Variants in CAPZA2 observed in about 807,000 individuals in gnomAD.
CAPZA2 encodes the protein capping actin protein of muscle Z-line subunit alpha 2, also known as F-actin-capping protein subunit alpha-2.
In CAPZA2, 13 loss-of-function variants were observed where a neutral mutation model predicts 44.0. The observed-to-expected ratio is 0.30, with a 90% CI of 0.19 to 0.47. The LOEUF (loss-of-function observed/expected upper bound fraction) is 0.47, where lower values mean the gene tolerates loss of function less well. Among genes scored for constraint, CAPZA2 ranks in the 20% least tolerant of loss-of-function variants. CAPZA2 has a pLI of 1.00. For synonymous variants in CAPZA2, 94 were observed against 108.2 expected (o/e 0.87, Z 0.81); for missense variants, 244 against 338.6 (o/e 0.72, Z 2.19).
At position 116,918,096 on chromosome 7, in the gene CAPZA2, CCTTT is replaced by C. The variant is rs1388949764; in HGVS notation, c.*237_*240del. 15 of 381,798 alleles carry C rather than the reference CCTTT, an allele frequency of 3.9e-5. No homozygotes were observed. Among genetic ancestry groups the C allele is most frequent in the Admixed American group, 1.2e-4 (3 of 24,988 alleles). The allele number at this position is 381,798 out of a possible 1,614,324, so 23.7% of individuals were successfully genotyped here. Reference sequence around the variant, plus strand: ...TTAGTTTAAATGTCTTTCTGTTAGGCCTTTCTTTCTTACAATGAAGAGATGATTC... The same window carrying C: ...TTAGTTTAAATGTCTTTCTGTTAGGCCTTTCTTACAATGAAGAGATGATTC... On this transcript the variant is annotated 3_prime_UTR_variant, in exon 10 of 10. Coordinates refer to ENST00000361183, the MANE Select transcript of CAPZA2 (RefSeq NM_006136.3).
chr7:116,867,898 A>G (rs1480634534), intron 1 of CAPZA2, among the ~76,000 whole-genome samples: 1 of 152,138 alleles, frequency 6.6e-6, no homozygotes, highest in Admixed American at 6.6e-5. Context: ...GTCCATTTCT[A>G]GCACCTCAGA....
At chr7:116,914,580 G>GC (rs1397919058) in intron 8 of CAPZA2, among the ~76,000 whole-genome samples, 3 of 152,080 alleles carry the variant, frequency 2.0e-5, no homozygotes, top group Non-Finnish European at 4.4e-5. Flanking sequence ...TCCTGCCTCA[G>GC]CCTCTCTAGT....
At chr7:116,903,336 G>A (rs779784584) in intron 4 of CAPZA2, among the ~76,000 whole-genome samples, 2 of 151,180 alleles carry the variant, frequency 1.3e-5, no homozygotes, top group Non-Finnish European at 2.9e-5. Flanking sequence ...TCGGCCTTTT[G>A]GCTAAGATCA....
In CAPZA2 at chr7:116,880,039, G is replaced by A. The variant is rs183411228; in HGVS notation, c.40-8088G>A. On this transcript the variant is annotated intron_variant, in intron 1 of 9. Transcript: ENST00000361183. ...TGGGAGTATATAGGCAGTTTCTCCC[G>A]CTCTGATTGATTTTTTTTTCTTCCC... 6.9e-5 allele frequency: 32 copies of A among 462,342 alleles called. No individual in the cohort carries two copies. The Middle Eastern group carries it at 1.7e-3, about 24-fold the overall frequency. The allele number at this position is 462,342 out of a possible 1,614,324, so 28.6% of individuals were successfully genotyped here. A position where few individuals can be genotyped will look rare whatever the true frequency, so the allele number is the denominator to read the frequency against.
chr7:116,900,872 AG>A (rs1389846966), intron 4 of CAPZA2, among the ~76,000 whole-genome samples: 1 of 152,162 alleles, frequency 6.6e-6, no homozygotes, highest in African/African-American at 2.4e-5. Flanking sequence ...ACTTTTCCAA[AG>A]CAGACATACT....
chr7:116,863,134 C>G (rs1200895741), intron 1 of CAPZA2, among the ~76,000 whole-genome samples: 1 of 152,198 alleles, frequency 6.6e-6, no homozygotes, highest in Admixed American at 6.5e-5. Flanking sequence ...GCTTAGGAAG[C>G]AGACCTTCAC....
chr7:116,873,190 A>G (rs1380348777), intron 1 of CAPZA2, among the ~76,000 whole-genome samples: 1 of 152,212 alleles, frequency 6.6e-6, no homozygotes, highest in Non-Finnish European at 1.5e-5. Context: ...ACGGTGAGTC[A>G]TTTTTAGTAT....
At chr7:116,885,558 G>A (rs1282062740) in intron 1 of CAPZA2, among the ~76,000 whole-genome samples, 1 of 152,134 alleles carries the variant, frequency 6.6e-6, no homozygotes, top group African/African-American at 2.4e-5. Context: ...CCCCACTTCA[G>A]ACACCAGTCA....
intron 3 of CAPZA2, among the ~76,000 whole-genome samples, chr7:116,893,287 C>T (rs927445889): frequency 3.9e-5 from 6 of 152,068 alleles, no homozygotes; most frequent in Admixed American, 6.5e-5. Context: ...CGCACCACCA[C>T]GCCTGGCTAA....
intron 3 of CAPZA2, among the ~76,000 whole-genome samples, chr7:116,894,024 A>G (rs1206178424): frequency 1.3e-5 from 2 of 150,148 alleles, no homozygotes; most frequent in Non-Finnish European, 2.9e-5. Context: ...TTTAGTATCC[A>G]TCCAGTCAGT....
At chr7:116,900,274 T>A (rs191358641) in intron 4 of CAPZA2, among the ~76,000 whole-genome samples, 1 of 152,074 alleles carries the variant, frequency 6.6e-6, no homozygotes, top group East Asian at 1.9e-4. Flanking sequence ...CATTATCATT[T>A]ATCATAAATG....
At position 116,919,359 on chromosome 7, in the gene CAPZA2, T is replaced by G. The variant is rs1791731396; in HGVS notation, c.*1492T>G. ...ATTGGTAACATTAATTATCTGTTCC[T>G]TTTTAAAATATATATATTTGAAAGT... On this transcript the variant is annotated 3_prime_UTR_variant, in exon 10 of 10. Coordinates refer to ENST00000361183, the MANE Select transcript of CAPZA2 (RefSeq NM_006136.3). 1 of 152,486 alleles carries G rather than the reference T, an allele frequency of 6.6e-6. No homozygotes were observed. The highest frequency in any genetic ancestry group is 6.6e-5 in the Admixed American group (1 of 15,260). 9.4% of individuals were successfully genotyped at this position (152,486 alleles called of 1,614,324 possible).
intron 1 of CAPZA2, chr7:116,876,343 G>A (rs953642600): frequency 6.6e-6 from 1 of 152,076 alleles, no homozygotes; most frequent in African/African-American, 2.4e-5. Flanking sequence ...TCCTATGAAG[G>A]AACTTCATTT....
rs759947881 is a variant in CAPZA2 at position 116,917,875 on chromosome 7, A to G, written c.*8A>G. 38 of 1,609,918 alleles carry G rather than the reference A, an allele frequency of 2.4e-5. No homozygotes were observed. In the Admixed American group the frequency reaches 5.7e-4, roughly 24 times the overall value. ...GAGATGCAGAATGCATAAGATGAACATTGCATGACCGGATCATTTTAGTGT... is the reference window on the plus strand; with the variant it reads ...GAGATGCAGAATGCATAAGATGAACGTTGCATGACCGGATCATTTTAGTGT... On this transcript the variant is annotated 3_prime_UTR_variant, in exon 10 of 10. Transcript: ENST00000361183.
chr7:116,893,346 GT>G (rs1796876294), intron 3 of CAPZA2, among the ~76,000 whole-genome samples: 1 of 152,094 alleles, frequency 6.6e-6, no homozygotes, highest in Non-Finnish European at 1.5e-5. Context: ...GGCCAGGCTG[GT>G]CTTGAATTCC....
At chr7:116,864,503 G>A (rs1274379823) in intron 1 of CAPZA2, among the ~76,000 whole-genome samples, 1 of 152,080 alleles carries the variant, frequency 6.6e-6, no homozygotes, top group Non-Finnish European at 1.5e-5. Context: ...AGAATATTAT[G>A]TAGATATTTT....
At chr7:116,900,677 A>G (rs1458283644) in intron 4 of CAPZA2, among the ~76,000 whole-genome samples, 1 of 151,992 alleles carries the variant, frequency 6.6e-6, no homozygotes, top group African/African-American at 2.4e-5. Context: ...CACATGGGAT[A>G]TAATTAAAGA....
intron 4 of CAPZA2, among the ~76,000 whole-genome samples, chr7:116,901,849 G>T (rs1159786095): frequency 6.8e-6 from 1 of 146,446 alleles, no homozygotes; most frequent in African/African-American, 2.5e-5. Context: ...AAGTTTATGT[G>T]GAAAAAAAAA....
At chr7:116,906,044 T>A (rs1791495682) in intron 5 of CAPZA2, among the ~76,000 whole-genome samples, 1 of 152,238 alleles carries the variant, frequency 6.6e-6, no homozygotes, top group Non-Finnish European at 1.5e-5. Context: ...ATGAATTGTA[T>A]TTTATTTAGT....
Sources: gnomAD v4.1 joint callset for allele counts (sites outside exome capture counted in the v4.1 genomes callset) on GRCh38, gnomAD v4.1.1 for gene constraint, MANE v1.5 for transcripts, NCBI Gene and HGNC (gene_info 2026-07-23, HGNC 2026-07-21) for gene names.